The following SLC27A6 variants were observed in gnomAD, a reference collection of about 807,000 sequenced individuals.
The protein encoded by SLC27A6 is solute carrier family 27 member 6, also known as long-chain fatty acid transport protein 6.
In SLC27A6, 74 loss-of-function variants were observed where a neutral mutation model predicts 63.9. That is an observed-to-expected ratio of 1.16 (90% CI 0.96 to 1.40). The LOEUF (loss-of-function observed/expected upper bound fraction) is 1.40. Ranked by LOEUF, SLC27A6 falls within the 40% of genes most tolerant of loss-of-function variation. SLC27A6 has a pLI of 0.00. For missense variants in SLC27A6, 794 were observed against 732.9 expected, an observed-to-expected ratio of 1.08 and a Z score of -0.96; for synonymous variants, 287 against 260.8, an observed-to-expected ratio of 1.10 and a Z score of -0.97.
chr5:129,033,241 G>A lies in SLC27A6; in HGVS notation c.1819G>A (p.Glu607Lys), dbSNP rs1315273250. The A allele has an allele frequency of 1.3e-6, 2 of 1,587,526 alleles. No individual in the cohort carries two copies. The highest frequency in any genetic ancestry group is 2.3e-5 in the East Asian group (1 of 43,658). The change falls in exon 10 of 10, where the codon GAA becomes AAA. Residue 607 changes from glutamate (E) to lysine (K), a missense_variant. By Grantham distance (56) the Glu-to-Lys change is moderately conservative (BLOSUM62 1). Transcript: ENST00000262462. ...LKKSYVLLTR[E>K]LYDQIMLGEI... ...AAAGTCTTATGTTCTACTGACCAGG[G>A]AACTTTATGATCAAATAATGTTAGG... is the stretch of plus-strand genomic sequence containing the variant.
At chr5:129,020,833 G>A (rs1345383438) in intron 5 of SLC27A6, among the ~76,000 whole-genome samples, 1 of 152,012 alleles carries the variant, frequency 6.6e-6, no homozygotes, top group African/African-American at 2.4e-5. Flanking sequence ...TACAGCTAAA[G>A]GATCTAGATT....
At chr5:128,990,878 T>C (rs1263176188) in intron 4 of SLC27A6, among the ~76,000 whole-genome samples, 1 of 152,116 alleles carries the variant, frequency 6.6e-6, no homozygotes, top group Non-Finnish European at 1.5e-5. Context: ...CCTTGCTGGA[T>C]CAGAAGCAGA....
chr5:129,017,740 G>A (rs1561630065), intron 5 of SLC27A6, among the ~76,000 whole-genome samples: 1 of 152,050 alleles, frequency 6.6e-6, no homozygotes, highest in African/African-American at 2.4e-5. Context: ...CAATAAACTT[G>A]AAATTATTAG....
chr5:129,025,118 G>T (rs1258343458), intron 6 of SLC27A6, among the ~76,000 whole-genome samples: 2 of 152,056 alleles, frequency 1.3e-5, no homozygotes, highest in East Asian at 3.9e-4. Context: ...TAACCTCAGG[G>T]TTTCTTAAAA....
chr5:128,994,734 A>G (rs1194864559), intron 4 of SLC27A6, among the ~76,000 whole-genome samples: 2 of 152,228 alleles, frequency 1.3e-5, no homozygotes, highest in Non-Finnish European at 2.9e-5. Flanking sequence ...GGTAAGTAGC[A>G]TATTCCAAAG....
intron 8 of SLC27A6, 76 bp from the exon 9 acceptor site, chr5:129,029,501 C>A: frequency 1.0e-6 from 1 of 957,044 alleles, no homozygotes; most frequent in Non-Finnish European, 1.6e-6. Flanking sequence ...CCATGTGTGC[C>A]AATTAGCATG....
At position 129,027,262 on chromosome 5, in the gene SLC27A6, C is replaced by T; in HGVS notation, c.1385C>T (p.Thr462Ile). 1.2e-6 allele frequency: 2 copies of T among 1,613,082 alleles called. No individual in the cohort carries two copies. The highest frequency in any genetic ancestry group is 1.1e-5 in the South Asian group (1 of 91,070). Residue 462 changes from threonine (T) to isoleucine (I), a missense_variant, in exon 7 of 10, where the codon ACT (threonine) becomes ATT (isoleucine). Transcript: ENST00000262462. ...AAGAAGGGAGATGTTTACCTTAATA[C>T]TGGAGACTTAATAGTCCAGGATCAG... ...VFKKGDVYLN[T>I]GDLIVQDQDN...
intron 4 of SLC27A6, among the ~76,000 whole-genome samples, chr5:128,994,918 C>G (rs2150138838): frequency 6.6e-6 from 1 of 152,276 alleles, no homozygotes; most frequent in South Asian, 2.1e-4. Flanking sequence ...TACAAAAGTT[C>G]TTTTGGCATA....
chr5:129,008,154 C>T (rs1429268807), intron 4 of SLC27A6, among the ~76,000 whole-genome samples: 6 of 151,888 alleles, frequency 4.0e-5, no homozygotes, highest in Admixed American at 3.9e-4. Context: ...TTTCTTTTCC[C>T]ACATAACACT....
rs373056707 is a variant in SLC27A6, at chr5:128,969,160, G to A, written c.481+2542G>A. Among the ~76,000 whole-genome samples the A allele has an allele frequency of 5.3e-5, 8 of 152,190 alleles. No homozygotes were observed. In the East Asian group the frequency reaches 9.7e-4, roughly 18 times the overall value. ...GTACTAGTACCATGCTGTTTTGGTT[G>A]CTGTAGCCCTGTAGTATAGTTTGAA... On this transcript the variant is annotated intron_variant, in intron 1 of 9. Coordinates refer to ENST00000262462, the MANE Select transcript of SLC27A6 (RefSeq NM_001017372.3).
chr5:128,987,060 A>T (rs1346477036), intron 2 of SLC27A6, among the ~76,000 whole-genome samples: 2 of 152,208 alleles, frequency 1.3e-5, no homozygotes, highest in African/African-American at 4.8e-5. Flanking sequence ...TCTGGAAAAG[A>T]TGAACTTCTG....
At chr5:129,028,261 A>G in intron 7 of SLC27A6, 84 bp from the exon 8 acceptor site, 2 of 851,232 alleles carry the variant, frequency 2.3e-6, no homozygotes, top group Non-Finnish European at 4.0e-6. Flanking sequence ...GCACAGTGCC[A>G]AATGCAAGAC....
At chr5:129,031,303 A>G (rs1752407128) in intron 9 of SLC27A6, among the ~76,000 whole-genome samples, 1 of 152,052 alleles carries the variant, frequency 6.6e-6, no homozygotes, top group South Asian at 2.1e-4. Flanking sequence ...AAAGAAATGC[A>G]AAAGTAAAAG....
chr5:128,971,124 A>T (rs1259732015), intron 1 of SLC27A6, among the ~76,000 whole-genome samples: 1 of 152,190 alleles, frequency 6.6e-6, no homozygotes, highest in Admixed American at 6.5e-5. Flanking sequence ...GCTGAGAGAC[A>T]GTTTGCTACA....
At chr5:128,969,154 T>C (rs549943144) in intron 1 of SLC27A6, among the ~76,000 whole-genome samples, 16 of 152,334 alleles carry the variant, frequency 1.1e-4, no homozygotes, top group African/African-American at 3.1e-4. Context: ...CCATGCTGTT[T>C]TGGTTGCTGT....
At chr5:129,002,431 C>T (rs1482741650) in intron 4 of SLC27A6, among the ~76,000 whole-genome samples, 1 of 120,614 alleles carries the variant, frequency 8.3e-6, no homozygotes, top group Non-Finnish European at 1.9e-5. Flanking sequence ...GGTTTCCTCC[C>T]CACTCCCTCC....
chr5:129,015,577 A>ATTTTTTTC (rs1419971256), intron 4 of SLC27A6, among the ~76,000 whole-genome samples: 1 of 152,142 alleles, frequency 6.6e-6, no homozygotes, highest in East Asian at 1.9e-4. Flanking sequence ...CAAAGTAATG[A>ATTTTTTTC]TTTTTTTCTT....
intron 4 of SLC27A6, among the ~76,000 whole-genome samples, chr5:129,013,699 C>T (rs1301822384): frequency 6.6e-6 from 1 of 151,908 alleles, no homozygotes; most frequent in Non-Finnish European, 1.5e-5. Context: ...TTTTTCATGG[C>T]TTCATGTCTT....
At chr5:129,000,942 CA>C (rs1751313063) in intron 4 of SLC27A6, among the ~76,000 whole-genome samples, 1 of 152,212 alleles carries the variant, frequency 6.6e-6, no homozygotes, top group Admixed American at 6.5e-5. Flanking sequence ...CTGTAAGTAG[CA>C]GTTCCTATCC....
Sources: gnomAD v4.1 joint callset for allele counts (sites outside exome capture counted in the v4.1 genomes callset) on GRCh38, gnomAD v4.1.1 for gene constraint, MANE v1.5 for transcripts, NCBI Gene and HGNC (gene_info 2026-07-23, HGNC 2026-07-21) for gene names.